The following UVRAG variants were observed in gnomAD, a reference collection of about 807,000 sequenced individuals.
UVRAG encodes UV radiation resistance-associated gene protein.
UVRAG carries 19 observed loss-of-function variants against 78.0 expected under a neutral mutation model. The observed-to-expected ratio is 0.24, with a 90% CI of 0.17 to 0.36. The LOEUF is 0.36. Among genes scored for constraint, UVRAG ranks in the 10% least tolerant of loss-of-function variants. UVRAG has a pLI of 1.00. For missense variants in UVRAG, 740 were observed against 853.8 expected (o/e 0.87, Z 1.66); for synonymous variants, 323 against 324.6 (o/e 1.00, Z 0.05).
chr11:75,864,191 G>A (rs995128362), intron 3 of UVRAG, among the ~76,000 whole-genome samples: 1 of 151,976 alleles, frequency 6.6e-6, no homozygotes, highest in Non-Finnish European at 1.5e-5. Flanking sequence ...AAGGAGCTGG[G>A]ACTACAGGCA....
At chr11:75,890,096 G>C (rs933783736) in intron 5 of UVRAG, among the ~76,000 whole-genome samples, 1 of 152,204 alleles carries the variant, frequency 6.6e-6, no homozygotes, top group African/African-American at 2.4e-5. Context: ...GAGTGATGAG[G>C]GGGGAGTGAT....
At chr11:76,001,101 GACAA>G (rs1186744398) in intron 8 of UVRAG, among the ~76,000 whole-genome samples, 7 of 152,048 alleles carry the variant, frequency 4.6e-5, no homozygotes, top group African/African-American at 7.2e-5. Flanking sequence ...GGTACCATAA[GACAA>G]ACAAATACAA....
At chr11:76,074,019 T>C in intron 13 of UVRAG, among the ~76,000 whole-genome samples, 1 of 152,186 alleles carries the variant, frequency 6.6e-6, no homozygotes, top group East Asian at 1.9e-4. Context: ...CTCACTAAGT[T>C]TCTTTTTTGG....
At chr11:75,990,935 C>T (rs1286457147) in intron 8 of UVRAG, among the ~76,000 whole-genome samples, 3 of 152,108 alleles carry the variant, frequency 2.0e-5, no homozygotes, top group Non-Finnish European at 4.4e-5. Flanking sequence ...CGTACTTATG[C>T]TTATTGGTGT....
chr11:75,870,284 TAGAA>T (rs1449483144), intron 3 of UVRAG, among the ~76,000 whole-genome samples: 1 of 152,220 alleles, frequency 6.6e-6, no homozygotes, highest in African/African-American at 2.4e-5. Flanking sequence ...TGTATTGGCT[TAGAA>T]AGAACACCCA....
chr11:75,853,249 G>T (rs1946198983), intron 2 of UVRAG, among the ~76,000 whole-genome samples: 1 of 142,338 alleles, frequency 7.0e-6, no homozygotes, highest in Non-Finnish European at 1.5e-5. Flanking sequence ...AGCAGTGATT[G>T]TTTAACAACT....
chr11:75,893,670 C>CAAAAA (rs1048785134), intron 5 of UVRAG, among the ~76,000 whole-genome samples: 3 of 60,394 alleles, frequency 5.0e-5, no homozygotes, highest in African/African-American at 1.1e-4. Context: ...CTATCTCTAC[C>CAAAAA]AAAAAAAAAA....
intron 4 of UVRAG, among the ~76,000 whole-genome samples, chr11:75,884,987 TGA>T (rs1004602742): frequency 2.6e-5 from 4 of 151,556 alleles, no homozygotes; most frequent in African/African-American, 9.7e-5. Context: ...TTAATAGTAT[TGA>T]GTCTTTCAGT....
chr11:76,026,214 G>T (rs958162171), intron 12 of UVRAG, among the ~76,000 whole-genome samples: 4 of 152,058 alleles, frequency 2.6e-5, no homozygotes, highest in African/African-American at 9.7e-5. Context: ...AATTTTATTG[G>T]TAAAAAGCTT....
In UVRAG at chr11:75,877,994, C is replaced by T. The variant is rs536917337; in HGVS notation, c.271-1885C>T. Among the ~76,000 whole-genome samples, 4 of 150,086 alleles carry T rather than the reference C, an allele frequency of 2.7e-5. No individual in the cohort carries two copies. In the East Asian group the frequency reaches 8.1e-4, roughly 30 times the overall value. On this transcript the variant is annotated intron_variant, in intron 3 of 14. Coordinates refer to ENST00000356136, the MANE Select transcript of UVRAG (RefSeq NM_003369.4). ...ACCTCCCTCCCAGACGGGGCGGCTG[C>T]CGGGCGGAGACGCTCCTCACTTCCC... is the stretch of plus-strand genomic sequence containing the variant.
At chr11:76,071,094 C>T (rs1225078365) in intron 13 of UVRAG, among the ~76,000 whole-genome samples, 1 of 152,010 alleles carries the variant, frequency 6.6e-6, no homozygotes, top group Non-Finnish European at 1.5e-5. Flanking sequence ...AAGCTTATAA[C>T]CTGATGGGAA....
chr11:75,991,077 A>G (rs1255112481), intron 8 of UVRAG, among the ~76,000 whole-genome samples: 1 of 152,214 alleles, frequency 6.6e-6, no homozygotes, highest in African/African-American at 2.4e-5. Context: ...AAGTATCTGC[A>G]TTCCAATACA....
intron 3 of UVRAG, among the ~76,000 whole-genome samples, chr11:75,869,558 T>C (rs1946606174): frequency 6.6e-6 from 1 of 152,196 alleles, no homozygotes; most frequent in Non-Finnish European, 1.5e-5. Context: ...AACTACATGA[T>C]TTGAAGGGAG....
chr11:75,901,685 C>T (rs548840704), intron 5 of UVRAG, among the ~76,000 whole-genome samples: 1 of 152,284 alleles, frequency 6.6e-6, no homozygotes, highest in East Asian at 1.9e-4. Flanking sequence ...ACATTATAGT[C>T]AGATTTATTT....
intron 4 of UVRAG, among the ~76,000 whole-genome samples, chr11:75,880,694 A>T (rs1946921545): frequency 6.6e-6 from 1 of 152,056 alleles, no homozygotes; most frequent in East Asian, 1.9e-4. Context: ...AGCTGGGATT[A>T]CAGGCATGTG....
intron 12 of UVRAG, among the ~76,000 whole-genome samples, chr11:76,029,455 T>A (rs1347911694): frequency 6.6e-6 from 1 of 152,158 alleles, no homozygotes; most frequent in Non-Finnish European, 1.5e-5. Flanking sequence ...CTGGACAGTA[T>A]TCACCATTCT....
At position 75,882,456 on chromosome 11, in the gene UVRAG, T is replaced by A. The variant is rs190248685; in HGVS notation, c.432+2416T>A. Among the ~76,000 whole-genome samples, 67 of 151,108 alleles carry A rather than the reference T, an allele frequency of 4.4e-4. 1 individual carries two copies. The highest frequency in any genetic ancestry group is 1.5e-3 in the African/African-American group (62 of 41,106). On this transcript the variant is annotated intron_variant, in intron 4 of 14. Transcript: ENST00000356136. Reference sequence around the variant, plus strand: ...TGAACCGGGGAGGTGGAGGTTGTAATGAACCGAGATGGCGCCACTGCACTC... The same window carrying A: ...TGAACCGGGGAGGTGGAGGTTGTAAAGAACCGAGATGGCGCCACTGCACTC...
chr11:75,858,181 T>TA (rs1946336484), intron 2 of UVRAG, among the ~76,000 whole-genome samples: 1 of 152,100 alleles, frequency 6.6e-6, no homozygotes, highest in South Asian at 2.1e-4. Context: ...TATATAAAGA[T>TA]ACAAAGGTTC....
At chr11:75,820,269 C>T (rs528983459) in intron 1 of UVRAG, among the ~76,000 whole-genome samples, 90 of 152,232 alleles carry the variant, frequency 5.9e-4, no homozygotes, top group African/African-American at 2.0e-3. Context: ...TAAGCCACTA[C>T]GCCCAGCCAG....
Sources: allele counts gnomAD v4.1 joint callset (sites outside exome capture counted in the v4.1 genomes callset), GRCh38; gene constraint gnomAD v4.1.1; transcripts MANE v1.5; gene names NCBI Gene and HGNC (gene_info 2026-07-23, HGNC 2026-07-21).